Variants in CAMK4 observed in about 807,000 individuals in gnomAD.
CAMK4 encodes the protein calcium/calmodulin dependent protein kinase IV, also known as calcium/calmodulin-dependent protein kinase type IV.
In CAMK4, 22 loss-of-function variants were observed where a neutral mutation model predicts 44.9. The observed-to-expected ratio is 0.49, with a 90% CI of 0.35 to 0.70. The LOEUF is 0.70. CAMK4 is among the 30% of genes least tolerant of loss of function. The pLI, the probability that CAMK4 is intolerant of heterozygous loss-of-function variation, is 0.01. For missense variants in CAMK4, 498 were observed against 586.8 expected (o/e 0.85, Z 1.56); for synonymous variants, 218 against 215.4 (o/e 1.01, Z -0.11).
intron 1 of CAMK4, among the ~76,000 whole-genome samples, chr5:111,297,955 T>C (rs1413699842): frequency 6.6e-6 from 1 of 152,240 alleles, no homozygotes; most frequent in Non-Finnish European, 1.5e-5. Flanking sequence ...GAAATTGGGA[T>C]ATATTTTATA....
intron 1 of CAMK4, among the ~76,000 whole-genome samples, chr5:111,265,264 T>C (rs1055428023): frequency 2.6e-5 from 4 of 152,216 alleles, no homozygotes; most frequent in Admixed American, 6.5e-5. Flanking sequence ...TTTATTGATA[T>C]CCTACTATCT....
chr5:111,327,083 G>A (rs936542100), intron 1 of CAMK4, among the ~76,000 whole-genome samples: 1 of 151,564 alleles, frequency 6.6e-6, no homozygotes, highest in Non-Finnish European at 1.5e-5. Context: ...ATGTATACAT[G>A]TGCCATGCTG....
At chr5:111,371,494 A>G (rs1751003846) in intron 2 of CAMK4, among the ~76,000 whole-genome samples, 1 of 152,136 alleles carries the variant, frequency 6.6e-6, no homozygotes, top group African/African-American at 2.4e-5. Flanking sequence ...TTAGATTGTA[A>G]TCTTACTTTA....
intron 7 of CAMK4, among the ~76,000 whole-genome samples, chr5:111,455,960 A>T (rs147114687): frequency 7.2e-5 from 11 of 152,358 alleles, no homozygotes; most frequent in African/African-American, 2.6e-4. Context: ...AAGTTCTTGC[A>T]CAGTACCTGG....
At chr5:111,331,177 T>C (rs1749153481) in intron 1 of CAMK4, among the ~76,000 whole-genome samples, 1 of 151,530 alleles carries the variant, frequency 6.6e-6, no homozygotes, top group Non-Finnish European at 1.5e-5. Context: ...CAAAGCAAAC[T>C]ATTGACTGGG....
At position 111,482,818 on chromosome 5, in the gene CAMK4, C is replaced by T. The variant is rs1191132469; in HGVS notation, c.862C>T (p.Arg288Trp). ...RKLIVLDPKKRLTTFQALQHP... is the reference protein window; with the variant it reads ...RKLIVLDPKKWLTTFQALQHP... ...ATTAATTGTTTTGGATCCAAAGAAA[C>T]GGCTGACTACATTTCAAGCTCTCCA... is the stretch of plus-strand genomic sequence containing the variant. The change falls in exon 10 of 11, where the codon CGG becomes TGG. Residue 288 changes from arginine to tryptophan, a missense_variant. Around this residue, in one of 3 missense-constraint regions of CAMK4, gnomAD observed 203 missense variants for 298.2 expected, o/e 0.68. Transcript: ENST00000282356. This position sits in a 1 kb window ranked among gnomAD's most constrained non-coding sequence, Gnocchi z 4.9. 2.5e-6 allele frequency: 4 copies of T among 1,611,404 alleles called. No homozygotes were observed. The highest frequency in any genetic ancestry group is 3.4e-6 in the Non-Finnish European group (4 of 1,178,976).
intron 1 of CAMK4, among the ~76,000 whole-genome samples, chr5:111,253,178 T>A (rs1293114835): frequency 6.6e-6 from 1 of 152,202 alleles, no homozygotes; most frequent in Non-Finnish European, 1.5e-5. Context: ...GGAGGTGGGT[T>A]AATTTGACAA....
At chr5:111,311,905 T>G (rs1320806977) in intron 1 of CAMK4, among the ~76,000 whole-genome samples, 1 of 152,154 alleles carries the variant, frequency 6.6e-6, no homozygotes, top group Non-Finnish European at 1.5e-5. Flanking sequence ...CTTTTGTTTT[T>G]GTTTCCTTGG....
At chr5:111,266,336 T>C (rs897146450) in intron 1 of CAMK4, among the ~76,000 whole-genome samples, 4 of 152,130 alleles carry the variant, frequency 2.6e-5, no homozygotes, top group African/African-American at 4.8e-5. Context: ...CCCAGCCCTT[T>C]TCACTTTCAC....
intron 1 of CAMK4, among the ~76,000 whole-genome samples, chr5:111,342,446 T>C (rs879386934): frequency 5.9e-5 from 9 of 151,488 alleles, no homozygotes; most frequent in Non-Finnish European, 1.2e-4. Flanking sequence ...TTAGGGTTTG[T>C]GTAGTATCTC....
intron 2 of CAMK4, among the ~76,000 whole-genome samples, chr5:111,347,313 T>C (rs2112761917): frequency 6.6e-6 from 1 of 152,168 alleles, no homozygotes; most frequent in Non-Finnish European, 1.5e-5. Flanking sequence ...ATTTTTCATC[T>C]GGTGAGGGTC....
intron 5 of CAMK4, among the ~76,000 whole-genome samples, chr5:111,425,175 A>G (rs1445473643): frequency 6.6e-6 from 1 of 152,146 alleles, no homozygotes; most frequent in Non-Finnish European, 1.5e-5. Context: ...AAAAAAAAAA[A>G]AAAAAAAGTT....
At position 111,394,796 on chromosome 5, in the gene CAMK4, A is replaced by T; in HGVS notation, c.459+14A>T. 1 of 1,536,614 alleles carries T rather than the reference A, an allele frequency of 6.5e-7. No homozygotes were observed. Among genetic ancestry groups the T allele is most frequent in the Non-Finnish European group, 9.0e-7 (1 of 1,109,838 alleles). On this transcript the variant is annotated intron_variant, in intron 5 of 10. Coordinates refer to ENST00000282356, the MANE Select transcript of CAMK4 (RefSeq NM_001744.6). ...GAGGCAGTTGCTGTAAGTATGAAGT[A>T]ACAGCAATGGTGTAACTCTTAGTCA...
At chr5:111,470,035 A>G (rs776950414) in intron 7 of CAMK4, among the ~76,000 whole-genome samples, 8 of 152,384 alleles carry the variant, frequency 5.2e-5, no homozygotes, top group Non-Finnish European at 1.2e-4. Flanking sequence ...GAGAAGGACT[A>G]ATGCAAGTGG....
intron 1 of CAMK4, among the ~76,000 whole-genome samples, chr5:111,244,715 G>A (rs1257585725): frequency 2.0e-5 from 3 of 151,986 alleles, no homozygotes; most frequent in African/African-American, 7.3e-5. Context: ...ACAAAAATTA[G>A]CCGGGCATGG....
At chr5:111,235,579 T>G (rs1324717540) in intron 1 of CAMK4, among the ~76,000 whole-genome samples, 1 of 152,162 alleles carries the variant, frequency 6.6e-6, no homozygotes, top group African/African-American at 2.4e-5. Flanking sequence ...GGAGGCAAAC[T>G]AAGAACGTAA....
At position 111,485,807 on chromosome 5, in the gene CAMK4, G is replaced by A. The variant is rs184643689; in HGVS notation, c.*1341G>A. ...TTTATTATGATTTTTCCCAGAATAA[G>A]TTTAATTTCTCTTTGACTTTCATAG... On this transcript the variant is annotated 3_prime_UTR_variant, in exon 11 of 11. Transcript: ENST00000282356. 8.0e-4 allele frequency: 121 copies of A among 152,168 alleles called. No individual in the cohort carries two copies. The highest frequency in any genetic ancestry group is 6.8e-3 in the Middle Eastern group (2 of 294). The allele number at this position is 152,168 out of a possible 1,614,324, so 9.4% of individuals were successfully genotyped here.
intron 2 of CAMK4, among the ~76,000 whole-genome samples, chr5:111,350,958 A>T (rs1750080182): frequency 1.3e-5 from 2 of 152,196 alleles, no homozygotes; most frequent in South Asian, 4.1e-4. Context: ...GCTTTGTTCC[A>T]ATTTCTTGGT....
chr5:111,326,640 T>C (rs1261157712), intron 1 of CAMK4, among the ~76,000 whole-genome samples: 1 of 150,526 alleles, frequency 6.6e-6, no homozygotes, highest in African/African-American at 2.4e-5. Flanking sequence ...AACTAGAAAA[T>C]ATATGCTTTG....
Sources: allele counts gnomAD v4.1 joint callset (sites outside exome capture counted in the v4.1 genomes callset), GRCh38; gene constraint gnomAD v4.1.1; regional missense constraint gnomAD v4.1.1; non-coding constraint Gnocchi (gnomAD v3.1); transcripts MANE v1.5; gene names NCBI Gene and HGNC (gene_info 2026-07-23, HGNC 2026-07-21).